Variants in HIPK3 observed in about 807,000 individuals in gnomAD.
HIPK3 encodes the protein homeodomain-interacting protein kinase 3.
A neutral mutation model predicts 124.2 loss-of-function variants in HIPK3; 47 were observed. The ratio of observed to expected loss-of-function variants is 0.38; its 90% CI spans 0.30 to 0.48. HIPK3 has a LOEUF of 0.48. Among genes scored for constraint, HIPK3 ranks in the 20% least tolerant of loss-of-function variants. The pLI is 0.98. For missense variants in HIPK3, 1,286 were observed against 1,454.3 expected (o/e 0.88, Z 1.88); for synonymous variants, 482 against 515.2 (o/e 0.94, Z 0.87).
chr11:33,350,597 C>T (rs1853628810), intron 14 of HIPK3, among the ~76,000 whole-genome samples: 1 of 151,922 alleles, frequency 6.6e-6, no homozygotes, highest in Non-Finnish European at 1.5e-5. Context: ...TTATTTGAGC[C>T]CTGTAATTTG....
In HIPK3 at chr11:33,314,844, C is replaced by T. The variant is rs185944904; in HGVS notation, c.1098-13666C>T. Among the ~76,000 whole-genome samples, 16 of 152,120 alleles carry T rather than the reference C, an allele frequency of 1.1e-4. No individual in the cohort carries two copies. In the East Asian group the frequency reaches 1.4e-3, roughly 13 times the overall value. On this transcript the variant is annotated intron_variant, in intron 2 of 16. Coordinates refer to ENST00000303296, the MANE Select transcript of HIPK3 (RefSeq NM_005734.5). The stretch of plus-strand genomic sequence containing the variant: ...TGAGCCTCTGTTGGTGTTTTACTGA[C>T]GATACATTATAATTTTAAATATACT...
chr11:33,329,759 T>G lies in HIPK3; in HGVS notation c.1221+1126T>G, dbSNP rs995237538. On this transcript the variant is annotated intron_variant, in intron 3 of 16. Transcript: ENST00000303296. ...TTCAGCTTTCTACCCAATTACTAGC[T>G]TTGATACAGATGCAAGACTACCGTC... Among the ~76,000 whole-genome samples, 3 of 152,362 alleles carry G rather than the reference T, an allele frequency of 2.0e-5. No individual in the cohort carries two copies. The East Asian group carries it at 5.8e-4, about 29-fold the overall frequency.
At chr11:33,262,541 C>G (rs373320215) in intron 1 of HIPK3, among the ~76,000 whole-genome samples, 1 of 152,218 alleles carries the variant, frequency 6.6e-6, no homozygotes, top group Non-Finnish European at 1.5e-5. Flanking sequence ...GAAATTAAAA[C>G]AACTGGATGA....
chr11:33,318,627 G>A (rs2133954550), intron 2 of HIPK3, among the ~76,000 whole-genome samples: 1 of 152,188 alleles, frequency 6.6e-6, no homozygotes, highest in South Asian at 2.1e-4. Flanking sequence ...TTTTAAAAAG[G>A]ATTTATGTAG....
At chr11:33,259,498 T>C (rs1202758046) in intron 1 of HIPK3, among the ~76,000 whole-genome samples, 4 of 152,332 alleles carry the variant, frequency 2.6e-5, no homozygotes, top group South Asian at 4.1e-4. Flanking sequence ...GTTTTATTGA[T>C]TATCTTATGC....
chr11:33,338,922 C>T (rs1853244991), intron 5 of HIPK3, 79 bp downstream of exon 5: 2 of 942,230 alleles, frequency 2.1e-6, no homozygotes, highest in Admixed American at 4.0e-5. Context: ...AAACATGTTA[C>T]TCAGTTTTTA....
intron 2 of HIPK3, among the ~76,000 whole-genome samples, chr11:33,307,555 C>T (rs1180711800): frequency 2.6e-5 from 4 of 151,460 alleles, no homozygotes; most frequent in Middle Eastern, 3.4e-3. Flanking sequence ...CCTGCCACCA[C>T]GCCTGGCTAA....
intron 2 of HIPK3, among the ~76,000 whole-genome samples, chr11:33,327,559 T>C (rs1298594946): frequency 6.6e-6 from 1 of 152,240 alleles, no homozygotes; most frequent in Non-Finnish European, 1.5e-5. Flanking sequence ...GGTGGAGATG[T>C]ATCAGAGTTC....
At chr11:33,343,247 T>TTGTGTGTG (rs3884092) in intron 8 of HIPK3, among the ~76,000 whole-genome samples, 2,523 of 141,440 alleles carry the variant, frequency 0.018, 38 homozygotes, top group African/African-American at 0.034. Flanking sequence ...TTATTTGATT[T>TTGTGTGTG]TGTGTGTGTG....
At chr11:33,323,791 C>T (rs965426107) in intron 2 of HIPK3, among the ~76,000 whole-genome samples, 21 of 152,178 alleles carry the variant, frequency 1.4e-4, no homozygotes, top group Non-Finnish European at 2.9e-4. Flanking sequence ...AAAGAAATGG[C>T]ATTTCAGATG....
intron 2 of HIPK3, among the ~76,000 whole-genome samples, chr11:33,313,878 T>G (rs746588180): frequency 6.6e-6 from 1 of 152,132 alleles, no homozygotes; most frequent in Non-Finnish European, 1.5e-5. Flanking sequence ...TTTTGAGAGA[T>G]AGGGTCCAGG....
chr11:33,268,677 G>C (rs900545515), intron 1 of HIPK3, among the ~76,000 whole-genome samples: 8 of 151,636 alleles, frequency 5.3e-5, no homozygotes, highest in African/African-American at 1.9e-4. Flanking sequence ...ATTGCCAGTA[G>C]CCTTGAACAG....
intron 2 of HIPK3, among the ~76,000 whole-genome samples, chr11:33,311,103 G>A (rs558548322): frequency 6.6e-6 from 1 of 152,314 alleles, no homozygotes; most frequent in South Asian, 2.1e-4. Context: ...ACTTTAGTAA[G>A]TTTTCTCTTT....
intron 3 of HIPK3, 134 bp from the exon 4 acceptor site, chr11:33,336,941 C>T (rs757852493): frequency 2.1e-5 from 12 of 560,462 alleles, no homozygotes; most frequent in Non-Finnish European, 3.4e-5. Flanking sequence ...TATATGTTCT[C>T]CACTAGACAG....
intron 1 of HIPK3, among the ~76,000 whole-genome samples, chr11:33,259,089 C>T (rs1850756333): frequency 6.6e-6 from 1 of 152,112 alleles, no homozygotes; most frequent in Non-Finnish European, 1.5e-5. Context: ...CACTTTTTCC[C>T]TTTTTGCTAT....
At chr11:33,274,973 T>G (rs1170322170) in intron 1 of HIPK3, among the ~76,000 whole-genome samples, 1 of 152,182 alleles carries the variant, frequency 6.6e-6, no homozygotes, top group African/African-American at 2.4e-5. Flanking sequence ...TGTAGGCACC[T>G]CAGACAGCAG....
At chr11:33,307,138 C>T (rs1405753891) in intron 2 of HIPK3, among the ~76,000 whole-genome samples, 1 of 151,876 alleles carries the variant, frequency 6.6e-6, no homozygotes, top group Non-Finnish European at 1.5e-5. Flanking sequence ...GGGGTTTTGC[C>T]ATGTTGGCCA....
Position 33,293,237 on chromosome 11 carries a change from T to C in HIPK3, c.1097+5726T>C, listed in dbSNP as rs538428591. 1.9e-3 allele frequency among the ~76,000 whole-genome samples: 289 copies of C among 152,244 alleles called. 1 individual carries two copies. Among genetic ancestry groups the C allele is most frequent in the African/African-American group, 6.7e-3 (278 of 41,534 alleles). ...GAGATATAATCTACATACCTTGAAA[T>C]TCATTCATTTAAGTATACAATTTAA... On this transcript the variant is annotated intron_variant, in intron 2 of 16. Coordinates refer to ENST00000303296, the MANE Select transcript of HIPK3 (RefSeq NM_005734.5).
chr11:33,283,459 G>A (rs534926526), intron 1 of HIPK3, among the ~76,000 whole-genome samples: 2 of 152,236 alleles, frequency 1.3e-5, no homozygotes, highest in South Asian at 4.1e-4. Flanking sequence ...TGAACATCAA[G>A]TCTTAATTTG....
Sources: allele counts gnomAD v4.1 joint callset (sites outside exome capture counted in the v4.1 genomes callset), GRCh38; gene constraint gnomAD v4.1.1; transcripts MANE v1.5; gene names NCBI Gene and HGNC (gene_info 2026-07-23, HGNC 2026-07-21).